ASPM: variants seen among roughly 807,000 people sequenced by gnomAD.
ASPM encodes the protein abnormal spindle-like microcephaly-associated protein.
In ASPM, 256 loss-of-function variants were observed where a neutral mutation model predicts 366.4. The observed-to-expected ratio is 0.70, with a 90% CI of 0.63 to 0.77. The LOEUF (loss-of-function observed/expected upper bound fraction) is 0.77, where lower values mean the gene tolerates loss of function less well. Ranked by LOEUF, ASPM falls within the 30% of genes least tolerant of loss-of-function variation. The pLI is 0.00. For synonymous variants in ASPM, 1,414 were observed against 1,342.9 expected, an observed-to-expected ratio of 1.05 and a Z score of -1.16; for missense variants, 4,146 against 4,090.4, an observed-to-expected ratio of 1.01 and a Z score of -0.37.
intron 6 of ASPM, among the ~76,000 whole-genome samples, 186 bp downstream of exon 6, chr1:197,133,164 T>C (rs1222688127): frequency 2.6e-5 from 4 of 152,228 alleles, no homozygotes; most frequent in East Asian, 1.9e-4. Context: ...TGTGAGTAGA[T>C]ACATTAATTA....
intron 10 of ASPM, among the ~76,000 whole-genome samples, chr1:197,125,712 T>G (rs1658071143): frequency 6.6e-6 from 1 of 152,006 alleles, no homozygotes; most frequent in African/African-American, 2.4e-5. Context: ...TAAAATCCAG[T>G]TTTACTTGTT....
At position 197,104,517 on chromosome 1, in the gene ASPM, T is replaced by C; in HGVS notation, c.4734A>G (p.Arg1578=). ...SYWRMRQDRV[R]FLNLKKTIIK... is the part of the protein sequence containing the mutation. ...TAATAGTCTTCTTAAGGTTTAAAAA[T>C]CGAACTCTGTCTTGTCTCATTCTCC... The change falls in exon 18 of 28, where the codon CGA becomes CGG. Residue 1578 remains arginine (R), a synonymous_variant. Coordinates refer to ENST00000367409, the MANE Select transcript of ASPM (RefSeq NM_018136.5). The C allele has an allele frequency of 1.2e-6, 2 of 1,612,752 alleles. No individual in the cohort carries two copies. Among genetic ancestry groups the C allele is most frequent in the Non-Finnish European group, 1.7e-6 (2 of 1,179,398 alleles).
chr1:197,120,019 T>G (rs1403261245), intron 16 of ASPM, among the ~76,000 whole-genome samples: 4 of 151,990 alleles, frequency 2.6e-5, no homozygotes, highest in Non-Finnish European at 5.9e-5. Context: ...GGATGTGAGG[T>G]AATTGTATAA....
At position 197,090,236 on chromosome 1, in the gene ASPM, A is replaced by T. The variant is rs199422198; in HGVS notation, c.9789T>A (p.Tyr3263Ter). 1 of 1,613,596 alleles carries T rather than the reference A, an allele frequency of 6.2e-7. No homozygotes were observed. The highest frequency in any genetic ancestry group is 1.1e-5 in the South Asian group (1 of 91,076). ...TALALHYLLT[Y>*]KHLSAILEAL... is the part of the protein sequence containing the mutation. ...CCTCAAGAATGGCAGAAAGGTGCTTATATGTCAAAAGGTAATGAAGTGCAA... is the reference window on the plus strand; with the variant it reads ...CCTCAAGAATGGCAGAAAGGTGCTTTTATGTCAAAAGGTAATGAAGTGCAA... Residue 3263 changes from tyrosine to a stop codon, truncating the protein, a stop_gained, in exon 24 of 28, where the codon TAT (tyrosine) becomes TAA (stop). Transcript: ENST00000367409. LOFTEE classifies it high-confidence loss of function.
Position 197,118,844 on chromosome 1 carries a change from T to C in ASPM, c.3871-861A>G, listed in dbSNP as rs1011339842. On this transcript the variant is annotated intron_variant, in intron 16 of 27. Coordinates refer to ENST00000367409, the MANE Select transcript of ASPM (RefSeq NM_018136.5). Reference sequence around the variant, plus strand: ...AAAGTAACTTTGCTATACTGTCCAATACTAGATTTCTCAATTTACTTCACT... The same window carrying C: ...AAAGTAACTTTGCTATACTGTCCAACACTAGATTTCTCAATTTACTTCACT... Among the ~76,000 whole-genome samples the C allele has an allele frequency of 2.6e-5, 4 of 152,158 alleles. No individual in the cohort carries two copies. In the South Asian group the frequency reaches 8.3e-4, roughly 31 times the overall value.
chr1:197,100,336 C>T, intron 18 of ASPM, 95 bp downstream of exon 18: 1 of 911,014 alleles, frequency 1.1e-6, no homozygotes, highest in Non-Finnish European at 1.6e-6. Context: ...AAGTACTATT[C>T]TTTATGACCT....
intron 17 of ASPM, among the ~76,000 whole-genome samples, chr1:197,112,201 C>T (rs1657607106): frequency 6.6e-6 from 1 of 152,096 alleles, no homozygotes; most frequent in South Asian, 2.1e-4. Flanking sequence ...AAATCACGTC[C>T]TTTGCAGGGA....
chr1:197,096,568 A>G (rs1470926078), intron 18 of ASPM, among the ~76,000 whole-genome samples: 1 of 151,818 alleles, frequency 6.6e-6, no homozygotes, highest in Non-Finnish European at 1.5e-5. Context: ...ATTCTTCCCA[A>G]TCCATATTCA....
In ASPM at chr1:197,144,035, A is replaced by C; in HGVS notation, c.363T>G (p.Ile121Met). The C allele has an allele frequency of 6.2e-7, 1 of 1,610,562 alleles. No individual in the cohort carries two copies. The highest frequency in any genetic ancestry group is 8.5e-7 in the Non-Finnish European group (1 of 1,176,976). Reference sequence around the variant, plus strand: ...GAACATCATTTACAAGAAATGTCATAATCTCTCTTACTCGGCCTTCTTTGA... The same window carrying C: ...GAACATCATTTACAAGAAATGTCATCATCTCTCTTACTCGGCCTTCTTTGA... ...TPLKEGRVRE[I>M]MTFLVNDVLK... is the part of the protein sequence containing the mutation. Residue 121 changes from isoleucine (I) to methionine (M), a missense_variant, in exon 2 of 28, where the codon ATT (isoleucine) becomes ATG (methionine). Around this residue, in one of 3 missense-constraint regions of ASPM, gnomAD observed 512 missense variants for 471.7 expected, o/e 1.09. Coordinates refer to ENST00000367409, the MANE Select transcript of ASPM (RefSeq NM_018136.5).
At position 197,102,598 on chromosome 1, in the gene ASPM, G is replaced by GT; in HGVS notation, c.6652dup (p.Thr2218AsnfsTer20). The GT allele has an allele frequency of 6.2e-7, 1 of 1,612,158 alleles. No individual in the cohort carries two copies. The highest frequency in any genetic ancestry group is 8.5e-7 in the Non-Finnish European group (1 of 1,179,092). ...CATTGCCCAGTATCTTTGCTGTACT[G>GT]TTTTTGTTATTTTCTTTAACTTATT... On this transcript the variant is annotated frameshift_variant, in exon 18 of 28. Coordinates refer to ENST00000367409, the MANE Select transcript of ASPM (RefSeq NM_018136.5). LOFTEE classifies it high-confidence loss of function.
At chr1:197,090,120 T>C (rs1656729985) in intron 24 of ASPM, 36 bp from the exon 25 acceptor site, 1 of 1,612,652 alleles carries the variant, frequency 6.2e-7, no homozygotes, top group Non-Finnish European at 8.5e-7. Flanking sequence ...CACAGGTAAA[T>C]TTACAGCAAC....
intron 7 of ASPM, 116 bp from the exon 8 acceptor site, chr1:197,130,172 G>T (rs1422540252): frequency 3.7e-6 from 4 of 1,076,894 alleles, no homozygotes; most frequent in Non-Finnish European, 5.5e-6. Flanking sequence ...CTTTCTAAAT[G>T]ACATGGTTAT....
intron 1 of ASPM, 102 bp downstream of exon 1, chr1:197,146,039 T>A (rs1658765631): frequency 3.4e-6 from 5 of 1,461,048 alleles, no homozygotes; most frequent in Non-Finnish European, 4.8e-6. Context: ...TAAGGGTCTT[T>A]TCTGATTTCT....
intron 6 of ASPM, among the ~76,000 whole-genome samples, 187 bp downstream of exon 6, chr1:197,133,163 A>G (rs1658315075): frequency 6.6e-6 from 1 of 152,228 alleles, no homozygotes; most frequent in African/African-American, 2.4e-5. Flanking sequence ...ATGTGAGTAG[A>G]TACATTAATT....
chr1:197,128,011 A>G (rs181380701), intron 10 of ASPM, among the ~76,000 whole-genome samples: 1 of 152,022 alleles, frequency 6.6e-6, no homozygotes, highest in African/African-American at 2.4e-5. Flanking sequence ...TAAAAATACA[A>G]AAAATTAGCT....
chr1:197,088,873 T>A (rs1482320178), intron 25 of ASPM, among the ~76,000 whole-genome samples: 1 of 152,060 alleles, frequency 6.6e-6, no homozygotes, highest in Non-Finnish European at 1.5e-5. Flanking sequence ...GAAGAAGAGC[T>A]TGCTCGAAAA....
intron 10 of ASPM, 94 bp from the exon 11 acceptor site, chr1:197,125,285 A>G: frequency 7.0e-7 from 1 of 1,427,342 alleles, no homozygotes; most frequent in South Asian, 1.2e-5. Context: ...ATAAATCCCA[A>G]CAGTTACAGG....
Position 197,103,365 on chromosome 1 carries a change from T to G in ASPM, c.5886A>C (p.Thr1962=). 1 of 1,613,342 alleles carries G rather than the reference T, an allele frequency of 6.2e-7. No individual in the cohort carries two copies. Among genetic ancestry groups the G allele is most frequent in the Non-Finnish European group, 8.5e-7 (1 of 1,179,514 alleles). Residue 1962 remains threonine, a synonymous_variant, in exon 18 of 28, where the codon ACA becomes ACC. Coordinates refer to ENST00000367409, the MANE Select transcript of ASPM (RefSeq NM_018136.5). Reference sequence around the variant, plus strand: ...GTTGCCTTTGAAGCTGTCTTCTCAGTGTTTTTCCCTTCCACATAGATTGAA... The same window carrying G: ...GTTGCCTTTGAAGCTGTCTTCTCAGGGTTTTTCCCTTCCACATAGATTGAA... ...LVLQSMWKGK[T]LRRQLQRQHK...
rs1657333391 is a variant in ASPM at position 197,104,425 on chromosome 1, G to A, written c.4826C>T (p.Ala1609Val). The A allele has an allele frequency of 6.2e-7, 1 of 1,612,944 alleles. No homozygotes were observed. Among genetic ancestry groups the A allele is most frequent in the African/African-American group, 1.3e-5 (1 of 74,926 alleles). The change falls in exon 18 of 28, where the codon GCT becomes GTT. Residue 1609 changes from alanine (A) to valine (V), a missense_variant. Ala to Val is a moderately conservative substitution (Grantham distance 64, BLOSUM62 0). Transcript: ENST00000367409. ...RQKYKKMKKA[A>V]VIIQTHFRAY... Reference sequence around the variant, plus strand: ...TCGGAAATGAGTCTGAATTATAACAGCTGCTTTCTTCATCTTCTTATATTT... The same window carrying A: ...TCGGAAATGAGTCTGAATTATAACAACTGCTTTCTTCATCTTCTTATATTT...
Sources: allele counts gnomAD v4.1 joint callset (sites outside exome capture counted in the v4.1 genomes callset), GRCh38; gene constraint gnomAD v4.1.1; regional missense constraint gnomAD v4.1.1; transcripts MANE v1.5; gene names NCBI Gene and HGNC (gene_info 2026-07-23, HGNC 2026-07-21).